Variants in LRRC8C observed in about 807,000 individuals in gnomAD.
The protein encoded by LRRC8C is leucine rich repeat containing 8 VRAC subunit C.
A neutral mutation model predicts 55.3 loss-of-function variants in LRRC8C; 20 were observed. That is an observed-to-expected ratio of 0.36 (90% CI 0.25 to 0.53). LRRC8C has a LOEUF of 0.53. Among genes scored for constraint, LRRC8C ranks in the 20% least tolerant of loss-of-function variants. The pLI is 0.92. For missense variants in LRRC8C, 659 were observed against 951.4 expected (o/e 0.69, Z 4.04); for synonymous variants, 376 against 360.7 (o/e 1.04, Z -0.48).
intron 1 of LRRC8C, among the ~76,000 whole-genome samples, chr1:89,635,205 T>A (rs2101170853): frequency 6.6e-6 from 1 of 152,358 alleles, no homozygotes; most frequent in Non-Finnish European, 1.5e-5. Context: ...GAAATATGTT[T>A]AACTCCCAAG....
At chr1:89,695,409 A>C (rs1466086677) in intron 2 of LRRC8C, among the ~76,000 whole-genome samples, 1 of 152,186 alleles carries the variant, frequency 6.6e-6, no homozygotes, top group Non-Finnish European at 1.5e-5. Context: ...CTTTGCACTG[A>C]TATCCAAAGC....
chr1:89,714,089 C>G lies in LRRC8C; in HGVS notation c.1519C>G (p.Pro507Ala). 6.2e-7 allele frequency: 1 copy of G among 1,614,036 alleles called. No homozygotes were observed. Among genetic ancestry groups the G allele is most frequent in the Non-Finnish European group, 8.5e-7 (1 of 1,180,014 alleles). ...CAAGTTTGATGACATGAGGGAACTC[C>G]CCCCCTGGATGTATGGGCTCCGAAA... ...SVKFDDMREL[P>A]PWMYGLRNLE... Residue 507 changes from proline (P) to alanine (A), a missense_variant, in exon 3 of 3, where the codon CCC becomes GCC. Physicochemically the swap from Pro to Ala is conservative, Grantham distance 27. Coordinates refer to ENST00000370454, the MANE Select transcript of LRRC8C (RefSeq NM_032270.5). The surrounding 1 kb of genome is among the most constrained non-coding windows in gnomAD (Gnocchi z 4.6).
intron 1 of LRRC8C, among the ~76,000 whole-genome samples, chr1:89,670,642 A>G (rs1657390065): frequency 6.6e-6 from 1 of 152,248 alleles, no homozygotes; most frequent in Non-Finnish European, 1.5e-5. Context: ...TTGAATATAT[A>G]GAAGTTTATT....
In LRRC8C at chr1:89,718,594, G is replaced by C. The variant is rs1156379761; in HGVS notation, c.*3612G>C. ...TAATCTAATTTCATACCAAATACCT[G>C]ATCAATAGAAATGATATATTTAAGC... On this transcript the variant is annotated 3_prime_UTR_variant, in exon 3 of 3. Transcript: ENST00000370454. 6.6e-6 allele frequency: 1 copy of C among 152,066 alleles called. No homozygotes were observed. Among genetic ancestry groups the C allele is most frequent in the Non-Finnish European group, 1.5e-5 (1 of 68,004 alleles). 9.4% of individuals were successfully genotyped at this position (152,066 alleles called of 1,614,324 possible).
At chr1:89,642,721 A>C (rs1425167529) in intron 1 of LRRC8C, among the ~76,000 whole-genome samples, 1 of 152,094 alleles carries the variant, frequency 6.6e-6, no homozygotes, top group Non-Finnish European at 1.5e-5. Context: ...AGTGGCACGC[A>C]CCTGTAATCC....
chr1:89,648,940 A>G (rs560867610), intron 1 of LRRC8C, among the ~76,000 whole-genome samples: 57 of 152,318 alleles, frequency 3.7e-4, no homozygotes, highest in African/African-American at 1.3e-3. Context: ...ATAATATTTC[A>G]TAGTCTCAAC....
At chr1:89,635,878 C>T (rs1475811922) in intron 1 of LRRC8C, among the ~76,000 whole-genome samples, 1 of 152,200 alleles carries the variant, frequency 6.6e-6, no homozygotes, top group Non-Finnish European at 1.5e-5. Context: ...AGATTTTATA[C>T]TTCATTTCTG....
chr1:89,682,093 C>A (rs1162924551), intron 1 of LRRC8C, among the ~76,000 whole-genome samples: 3 of 152,106 alleles, frequency 2.0e-5, no homozygotes, highest in East Asian at 3.9e-4. Context: ...AGGAAAATGG[C>A]GTGAACCCGG....
intron 1 of LRRC8C, among the ~76,000 whole-genome samples, chr1:89,657,706 C>T (rs1433979271): frequency 1.4e-5 from 2 of 140,752 alleles, no homozygotes; most frequent in Non-Finnish European, 3.0e-5. Context: ...GCGCCACTTA[C>T]TTCAGCCTGG....
chr1:89,712,881 A>T lies in LRRC8C; in HGVS notation c.311A>T (p.Asp104Val). The change falls in exon 3 of 3, where the codon GAC becomes GTC. Residue 104 changes from aspartate (D) to valine (V), a missense_variant. By Grantham distance (152) the Asp-to-Val change is radical. Transcript: ENST00000370454. Reference sequence around the variant, plus strand: ...ATGAAAGGCCTGAAGACAGATTTGGACCTTCAGCAGTACAGCTTTATAAAT... The same window carrying T: ...ATGAAAGGCCTGAAGACAGATTTGGTCCTTCAGCAGTACAGCTTTATAAAT... ...VEMKGLKTDLDLQQYSFINQM... is the reference protein window; with the variant it reads ...VEMKGLKTDLVLQQYSFINQM... The T allele has an allele frequency of 4.3e-6, 7 of 1,614,184 alleles. No individual in the cohort carries two copies. The highest frequency in any genetic ancestry group is 5.9e-6 in the Non-Finnish European group (7 of 1,180,030).
At chr1:89,669,986 AG>A (rs1657373061) in intron 1 of LRRC8C, among the ~76,000 whole-genome samples, 1 of 152,194 alleles carries the variant, frequency 6.6e-6, no homozygotes, top group Non-Finnish European at 1.5e-5. Flanking sequence ...TGTCATTTGC[AG>A]AAAAGTGAGT....
chr1:89,694,872 C>T (rs1288840555), intron 2 of LRRC8C, among the ~76,000 whole-genome samples: 1 of 149,804 alleles, frequency 6.7e-6, no homozygotes, highest in Non-Finnish European at 1.5e-5. Context: ...CCAGCCCATG[C>T]CCAGCTTTTT....
chr1:89,713,828 A>G lies in LRRC8C; in HGVS notation c.1258A>G (p.Thr420Ala). 1 of 1,614,246 alleles carries G rather than the reference A, an allele frequency of 6.2e-7. No individual in the cohort carries two copies. The highest frequency in any genetic ancestry group is 2.2e-5 in the East Asian group (1 of 44,890). The change falls in exon 3 of 3, where the codon ACA becomes GCA. Residue 420 changes from threonine (T) to alanine (A), a missense_variant. This residue lies in a region of LRRC8C where 344 missense variants were observed against 464.6 expected (regional missense o/e 0.74). Transcript: ENST00000370454. The surrounding 1 kb of genome is among the most constrained non-coding windows in gnomAD (Gnocchi z 5.2). ...TGATAAACTGAGGCAGAAGCTACAG[A>G]CAAATGCCCATAATCGACTGGAATT... is the stretch of plus-strand genomic sequence containing the variant. ...TPDKLRQKLQTNAHNRLELPL... is the reference protein window; with the variant it reads ...TPDKLRQKLQANAHNRLELPL...
intron 1 of LRRC8C, among the ~76,000 whole-genome samples, chr1:89,646,471 G>A (rs1356985184): frequency 1.3e-5 from 2 of 152,114 alleles, no homozygotes; most frequent in Non-Finnish European, 2.9e-5. Flanking sequence ...TGCAAGGTTG[G>A]TTTAACATTC....
At chr1:89,679,057 C>G (rs1165416067) in intron 1 of LRRC8C, among the ~76,000 whole-genome samples, 2 of 151,942 alleles carry the variant, frequency 1.3e-5, no homozygotes, top group Non-Finnish European at 2.9e-5. Context: ...CAGATGCAAT[C>G]ACAAGGGGAG....
At position 89,717,940 on chromosome 1, in the gene LRRC8C, T is replaced by A. The variant is rs764114797; in HGVS notation, c.*2958T>A. 5.3e-5 allele frequency: 8 copies of A among 152,218 alleles called. No homozygotes were observed. 9.4% of individuals were successfully genotyped at this position (152,218 alleles called of 1,614,324 possible). A position where few individuals can be genotyped will look rare whatever the true frequency, so the allele number is the denominator to read the frequency against. On this transcript the variant is annotated 3_prime_UTR_variant, in exon 3 of 3. Transcript: ENST00000370454. ...TCCTATGGCTGCTTGAAGCTCATGA[T>A]GAAAAAGTCTTTTTGTCAGTTTTAA...
rs1479787396 is a variant in LRRC8C, at chr1:89,713,628, A to T, written c.1058A>T (p.Tyr353Phe). The T allele has an allele frequency of 6.2e-7, 1 of 1,614,056 alleles. No individual in the cohort carries two copies. The highest frequency in any genetic ancestry group is 1.3e-5 in the African/African-American group (1 of 74,940). The change falls in exon 3 of 3, where the codon TAT becomes TTT. Residue 353 changes from tyrosine to phenylalanine, a missense_variant. Tyr to Phe is a conservative substitution (Grantham distance 22, BLOSUM62 3). This residue lies in a region of LRRC8C where 200 missense variants were observed against 360.5 expected (regional missense o/e 0.55). Coordinates refer to ENST00000370454, the MANE Select transcript of LRRC8C (RefSeq NM_032270.5). The surrounding 1 kb of genome is among the most constrained non-coding windows in gnomAD (Gnocchi z 5.2). ...TCTCTACGGGAATATTCCTTTGAGT[A>T]TGTCCGTCAGGAGACTGGAATTGAT... Reference protein sequence around the residue: ...YRSLREYSFEYVRQETGIDDI... With the variant: ...YRSLREYSFEFVRQETGIDDI...
At chr1:89,697,103 A>G (rs1658193809) in intron 2 of LRRC8C, among the ~76,000 whole-genome samples, 1 of 152,190 alleles carries the variant, frequency 6.6e-6, no homozygotes, top group Admixed American at 6.5e-5. Flanking sequence ...ATGCCATAAC[A>G]AATTATGGAT....
At chr1:89,671,577 C>A (rs776922193) in intron 1 of LRRC8C, among the ~76,000 whole-genome samples, 1 of 152,140 alleles carries the variant, frequency 6.6e-6, no homozygotes, top group Non-Finnish European at 1.5e-5. Flanking sequence ...TTGAGCAGCC[C>A]ATGACCGGTG....
Sources: gnomAD v4.1 joint callset for allele counts (sites outside exome capture counted in the v4.1 genomes callset) on GRCh38, gnomAD v4.1.1 for gene constraint, gnomAD v4.1.1 regional missense constraint, Gnocchi (gnomAD v3.1) non-coding constraint, MANE v1.5 for transcripts, NCBI Gene and HGNC (gene_info 2026-07-23, HGNC 2026-07-21) for gene names.